Variants in PKNOX2 observed in about 807,000 individuals in gnomAD.
The protein encoded by PKNOX2 is homeobox protein PKNOX2.
A neutral mutation model predicts 53.1 loss-of-function variants in PKNOX2; 14 were observed. The observed-to-expected ratio is 0.26, with a 90% CI of 0.17 to 0.41. The LOEUF is 0.41. Among genes scored for constraint, PKNOX2 ranks in the 10% least tolerant of loss-of-function variants. The pLI, the probability that PKNOX2 is intolerant of heterozygous loss-of-function variation, is 1.00. For missense variants in PKNOX2, 496 were observed against 602.8 expected (o/e 0.82, Z 1.85); for synonymous variants, 257 against 242.8 (o/e 1.06, Z -0.54).
chr11:125,171,865 G>C (rs1316182308), intron 1 of PKNOX2, among the ~76,000 whole-genome samples: 1 of 152,202 alleles, frequency 6.6e-6, no homozygotes, highest in African/African-American at 2.4e-5. Context: ...GGGTGTCTGG[G>C]GTTAACAGTA....
chr11:125,311,090 A>T (rs967812543), intron 2 of PKNOX2, among the ~76,000 whole-genome samples: 1 of 152,162 alleles, frequency 6.6e-6, no homozygotes, highest in Non-Finnish European at 1.5e-5. Context: ...CCTTCCTAGC[A>T]CACTTCTAAC....
Position 125,274,132 on chromosome 11 carries a change from C to T in PKNOX2, c.-130+39017C>T, listed in dbSNP as rs147229217. The stretch of plus-strand genomic sequence containing the variant: ...GCTAAGTACTTTGCATTTATTCTCT[C>T]ATTTACTTTTATACCAATGCTTTGA... On this transcript the variant is annotated intron_variant, in intron 2 of 12. Coordinates refer to ENST00000298282, the MANE Select transcript of PKNOX2 (RefSeq NM_001382323.2). 5.9e-3 allele frequency among the ~76,000 whole-genome samples: 894 copies of T among 152,300 alleles called. 19 individuals carry two copies. Among genetic ancestry groups the T allele is most frequent in the African/African-American group, 0.021 (863 of 41,558 alleles).
At chr11:125,238,106 T>G (rs538795069) in intron 2 of PKNOX2, among the ~76,000 whole-genome samples, 76 of 152,250 alleles carry the variant, frequency 5.0e-4, no homozygotes, top group Non-Finnish European at 8.7e-4. Flanking sequence ...CTGACCCGGA[T>G]GCAGCTAAAT....
chr11:125,383,880 G>A (rs1286689247), intron 5 of PKNOX2, among the ~76,000 whole-genome samples: 1 of 152,104 alleles, frequency 6.6e-6, no homozygotes, highest in African/African-American at 2.4e-5. Flanking sequence ...ATGGGGGCCA[G>A]GTCCAAGTCC....
At chr11:125,388,197 A>G (rs374968464) in intron 6 of PKNOX2, among the ~76,000 whole-genome samples, 2 of 152,110 alleles carry the variant, frequency 1.3e-5, no homozygotes, top group Admixed American at 6.5e-5. Context: ...AAAGAGGCCA[A>G]CCACCGGAGC....
chr11:125,276,451 G>T (rs1455986609), intron 2 of PKNOX2, among the ~76,000 whole-genome samples: 1 of 152,182 alleles, frequency 6.6e-6, no homozygotes, highest in Non-Finnish European at 1.5e-5. Context: ...CCTTGAAATG[G>T]CACGGGAGAA....
chr11:125,216,649 T>C (rs1456328070), intron 1 of PKNOX2, among the ~76,000 whole-genome samples: 1 of 152,208 alleles, frequency 6.6e-6, no homozygotes, highest in Non-Finnish European at 1.5e-5. Context: ...GAGGTGCCTT[T>C]CTCAGAGTTC....
intron 2 of PKNOX2, among the ~76,000 whole-genome samples, chr11:125,270,089 G>A (rs1344408381): frequency 6.6e-6 from 1 of 152,144 alleles, no homozygotes; most frequent in Non-Finnish European, 1.5e-5. Flanking sequence ...GCTATCTTAA[G>A]GAATCCATCT....
intron 3 of PKNOX2, among the ~76,000 whole-genome samples, chr11:125,348,277 G>T (rs1428593669): frequency 6.6e-6 from 1 of 152,248 alleles, no homozygotes; most frequent in African/African-American, 2.4e-5. Flanking sequence ...AAAAGAGCCA[G>T]CTTCCGGACA....
chr11:125,249,522 A>T (rs1054130173), intron 2 of PKNOX2, among the ~76,000 whole-genome samples: 1 of 152,216 alleles, frequency 6.6e-6, no homozygotes, highest in Admixed American at 6.5e-5. Flanking sequence ...ACAATATAGT[A>T]TTACAACTAT....
chr11:125,253,393 A>C (rs1218435329), intron 2 of PKNOX2, among the ~76,000 whole-genome samples: 1 of 152,106 alleles, frequency 6.6e-6, no homozygotes, highest in Non-Finnish European at 1.5e-5. Context: ...AGAAGGAAGG[A>C]GAGAGTCCTG....
At chr11:125,210,895 G>T (rs1017914048) in intron 1 of PKNOX2, among the ~76,000 whole-genome samples, 2 of 152,068 alleles carry the variant, frequency 1.3e-5, no homozygotes, top group African/African-American at 4.8e-5. Flanking sequence ...CCGGATCTGG[G>T]TTGAAACCTC....
chr11:125,208,615 T>C (rs757624083), intron 1 of PKNOX2, among the ~76,000 whole-genome samples: 3 of 151,906 alleles, frequency 2.0e-5, no homozygotes, highest in Non-Finnish European at 2.9e-5. Context: ...TATGTGGAAA[T>C]TGGGCCAGTT....
chr11:125,333,549 TACACACACAC>T (rs57352759), intron 3 of PKNOX2, among the ~76,000 whole-genome samples: 7 of 142,326 alleles, frequency 4.9e-5, no homozygotes, highest in Non-Finnish European at 9.4e-5. Context: ...CACACACACA[TACACACACAC>T]ACACACACAC....
At chr11:125,335,619 G>C (rs910876211) in intron 3 of PKNOX2, among the ~76,000 whole-genome samples, 2 of 152,262 alleles carry the variant, frequency 1.3e-5, no homozygotes, top group Non-Finnish European at 2.9e-5. Flanking sequence ...CTTGAAATAT[G>C]CACAAAATAG....
chr11:125,398,099 G>A (rs916347044), intron 7 of PKNOX2, 37 bp downstream of exon 7: 2 of 1,575,618 alleles, frequency 1.3e-6, no homozygotes. Flanking sequence ...CTTAAGCCAG[G>A]CTCCTAAGCC....
chr11:125,252,275 C>A (rs538392529), intron 2 of PKNOX2, among the ~76,000 whole-genome samples: 154 of 152,228 alleles, frequency 1.0e-3, no homozygotes, highest in African/African-American at 2.9e-3. Context: ...TCAGGAGCAT[C>A]GTGTGGGACA....
chr11:125,308,816 G>A (rs369851635), intron 2 of PKNOX2, among the ~76,000 whole-genome samples: 1 of 152,150 alleles, frequency 6.6e-6, no homozygotes, highest in South Asian at 2.1e-4. Context: ...GGGGAAATTG[G>A]TCTCTCTGTC....
chr11:125,259,606 G>A (rs1395185117), intron 2 of PKNOX2, among the ~76,000 whole-genome samples: 4 of 152,112 alleles, frequency 2.6e-5, no homozygotes, highest in African/African-American at 7.2e-5. Flanking sequence ...GTGGACTTCC[G>A]CGTGGCCCTT....
Sources: allele counts gnomAD v4.1 joint callset (sites outside exome capture counted in the v4.1 genomes callset), GRCh38; gene constraint gnomAD v4.1.1; transcripts MANE v1.5; gene names NCBI Gene and HGNC (gene_info 2026-07-23, HGNC 2026-07-21).